The following NRXN3 variants were observed in gnomAD, a reference collection of about 807,000 sequenced individuals.
NRXN3 encodes the protein neurexin 3, also known as neurexin III.
In NRXN3, 32 loss-of-function variants were observed where a neutral mutation model predicts 137.6. The observed-to-expected ratio is 0.23, with a 90% CI of 0.18 to 0.31. The LOEUF is 0.31. Among genes scored for constraint, NRXN3 ranks in the 10% least tolerant of loss-of-function variants. The pLI, the probability that NRXN3 is intolerant of heterozygous loss-of-function variation, is 1.00. For missense variants in NRXN3, 1,574 were observed against 2,062.5 expected (o/e 0.76, Z 4.59); for synonymous variants, 798 against 784.5 (o/e 1.02, Z -0.29).
At chr14:79,075,950 C>CAA (rs1252208336) in intron 15 of NRXN3, among the ~76,000 whole-genome samples, 5 of 152,186 alleles carry the variant, frequency 3.3e-5, no homozygotes, top group Admixed American at 1.3e-4. Flanking sequence ...AAGATGTGAT[C>CAA]AATATGGAAG....
intron 16 of NRXN3, among the ~76,000 whole-genome samples, chr14:79,655,643 G>T (rs1364443452): frequency 6.6e-6 from 1 of 151,964 alleles, no homozygotes; most frequent in East Asian, 1.9e-4. Flanking sequence ...GCACTCCCTG[G>T]TGCAGTTTCT....
chr14:79,675,450 C>T (rs1256703820), intron 17 of NRXN3, among the ~76,000 whole-genome samples: 1 of 152,074 alleles, frequency 6.6e-6, no homozygotes. Flanking sequence ...AACCACGTTT[C>T]CCCATTAGGT....
chr14:78,870,764 CAT>C, intron 10 of NRXN3, among the ~76,000 whole-genome samples: 1 of 151,978 alleles, frequency 6.6e-6, no homozygotes, highest in African/African-American at 2.4e-5. Flanking sequence ...TTAGCTCCCA[CAT>C]ATTATTGAGA....
At chr14:79,624,816 T>G (rs1002859854) in intron 16 of NRXN3, among the ~76,000 whole-genome samples, 4 of 150,812 alleles carry the variant, frequency 2.7e-5, no homozygotes, top group African/African-American at 9.9e-5. Flanking sequence ...TGTTTTTGTT[T>G]TTTTTTAAAC....
At chr14:79,576,710 C>A (rs987679015) in intron 16 of NRXN3, among the ~76,000 whole-genome samples, 1 of 152,128 alleles carries the variant, frequency 6.6e-6, no homozygotes, top group Admixed American at 6.6e-5. Flanking sequence ...CTCTTCTGAT[C>A]CTATTTATTT....
chr14:79,213,810 A>AC (rs1041436747), intron 15 of NRXN3, among the ~76,000 whole-genome samples: 8 of 152,268 alleles, frequency 5.3e-5, no homozygotes, highest in African/African-American at 1.9e-4. Context: ...AAATGTCAGC[A>AC]CCAGTTCCAG....
At chr14:78,922,127 A>T (rs914915016) in intron 10 of NRXN3, among the ~76,000 whole-genome samples, 1 of 152,198 alleles carries the variant, frequency 6.6e-6, no homozygotes, top group East Asian at 1.9e-4. Context: ...AAGAATGCTG[A>T]GGTTTTCTTT....
chr14:78,750,042 G>A (rs1261441312), intron 8 of NRXN3, among the ~76,000 whole-genome samples: 1 of 152,204 alleles, frequency 6.6e-6, no homozygotes, highest in Non-Finnish European at 1.5e-5. Flanking sequence ...CAGCACCTCT[G>A]TAAACAGATG....
intron 15 of NRXN3, among the ~76,000 whole-genome samples, chr14:79,412,617 A>AC (rs71454879): frequency 0.31 from 47,162 of 150,998 alleles, 8,072 homozygotes; most frequent in Middle Eastern, 0.53. Context: ...CATCTACTAA[A>AC]AAAAAAATAC....
intron 4 of NRXN3, chr14:78,526,685 T>G (rs1599899176): frequency 2.0e-6 from 1 of 500,570 alleles, no homozygotes; most frequent in East Asian, 5.6e-5. Context: ...CACCGTGCAC[T>G]AGGGTAAGCA....
At chr14:78,799,522 G>A (rs556464494) in intron 8 of NRXN3, among the ~76,000 whole-genome samples, 1 of 152,146 alleles carries the variant, frequency 6.6e-6, no homozygotes, top group Non-Finnish European at 1.5e-5. Context: ...CCTCCAAACT[G>A]TTCCAACTTC....
chr14:78,407,296 T>C (rs1947627715), intron 4 of NRXN3, among the ~76,000 whole-genome samples: 1 of 152,172 alleles, frequency 6.6e-6, no homozygotes. Flanking sequence ...TGGCCTGGGA[T>C]CTACATGTAC....
intron 17 of NRXN3, among the ~76,000 whole-genome samples, chr14:79,670,752 G>A (rs968562824): frequency 6.6e-6 from 1 of 152,072 alleles, no homozygotes; most frequent in Admixed American, 6.6e-5. Context: ...AAAGTTCTTT[G>A]AATACCTTAA....
intron 15 of NRXN3, among the ~76,000 whole-genome samples, chr14:79,424,882 T>A (rs557879151): frequency 6.6e-6 from 1 of 152,200 alleles, no homozygotes; most frequent in African/African-American, 2.4e-5. Context: ...CTTTCTTTTT[T>A]AATTTTTTTT....
At chr14:79,857,858 T>C (rs760517717) in intron 20 of NRXN3, among the ~76,000 whole-genome samples, 5 of 152,202 alleles carry the variant, frequency 3.3e-5, no homozygotes, top group Non-Finnish European at 7.3e-5. Context: ...ACCACTTTGT[T>C]GTCTAAAAAT....
intron 2 of NRXN3, among the ~76,000 whole-genome samples, chr14:78,252,596 T>G (rs1567085104): frequency 6.6e-6 from 1 of 152,238 alleles, no homozygotes; most frequent in African/African-American, 2.4e-5. Context: ...TTGGTTCTCT[T>G]GAAGTTGTTC....
intron 16 of NRXN3, among the ~76,000 whole-genome samples, chr14:79,476,965 G>A (rs1409406935): frequency 1.3e-5 from 2 of 152,064 alleles, no homozygotes; most frequent in African/African-American, 4.8e-5. Flanking sequence ...TCATACTTAT[G>A]AAACAGCAAT....
intron 9 of NRXN3, among the ~76,000 whole-genome samples, chr14:78,804,739 A>G (rs866988771): frequency 2.0e-5 from 3 of 152,126 alleles, no homozygotes; most frequent in Non-Finnish European, 2.9e-5. Flanking sequence ...TTGATATTCT[A>G]TAGAGATTGG....
At chr14:79,116,875 T>C (rs1398080773) in intron 15 of NRXN3, among the ~76,000 whole-genome samples, 1 of 152,218 alleles carries the variant, frequency 6.6e-6, no homozygotes, top group Non-Finnish European at 1.5e-5. Context: ...GGAAAGGTAG[T>C]GATTCTCAAA....
Sources: gnomAD v4.1 joint callset for allele counts (sites outside exome capture counted in the v4.1 genomes callset) on GRCh38, gnomAD v4.1.1 for gene constraint, MANE v1.5 for transcripts, NCBI Gene and HGNC (gene_info 2026-07-23, HGNC 2026-07-21) for gene names.